Variants in WDR89 observed in about 807,000 individuals in gnomAD.
The protein encoded by WDR89 is WD repeat-containing protein 89.
A neutral mutation model predicts 29.1 loss-of-function variants in WDR89; 17 were observed. The observed-to-expected ratio is 0.58, with a 90% CI of 0.40 to 0.88. The LOEUF is 0.88. WDR89 is among the 40% of genes least tolerant of loss of function. The pLI, the probability that WDR89 is intolerant of heterozygous loss-of-function variation, is 0.00. For synonymous variants in WDR89, 138 were observed against 157.8 expected, an observed-to-expected ratio of 0.87 and a Z score of 0.94; for missense variants, 396 against 456.3, an observed-to-expected ratio of 0.87 and a Z score of 1.20.
At chr14:63,627,123 AAC>A (rs756971522) in intron 1 of WDR89, among the ~76,000 whole-genome samples, 2,428 of 122,736 alleles carry the variant, frequency 0.02, 33 homozygotes, top group South Asian at 0.066. Context: ...TTTGTCTCTA[AAC>A]ACACACACAC....
At chr14:63,627,573 T>C (rs1566798923) in intron 1 of WDR89, among the ~76,000 whole-genome samples, 1 of 152,202 alleles carries the variant, frequency 6.6e-6, no homozygotes, top group South Asian at 2.1e-4. Context: ...TATTCATCCC[T>C]CTGCTCATCC....
Position 63,598,757 on chromosome 14 carries a change from A to T in WDR89, c.*22T>A, listed in dbSNP as rs766138262. 1 of 1,545,806 alleles carries T rather than the reference A, an allele frequency of 6.5e-7. No individual in the cohort carries two copies. The highest frequency in any genetic ancestry group is 1.3e-5 in the South Asian group (1 of 78,652). ...ACTATTTGAAACTATAAAACCTACC[A>T]AACAAAGTGCCAAATGCATTATCAC... is the stretch of plus-strand genomic sequence containing the variant. On this transcript the variant is annotated 3_prime_UTR_variant, in exon 3 of 3. Coordinates refer to ENST00000620954, the MANE Select transcript of WDR89 (RefSeq NM_080666.4).
intron 1 of WDR89, among the ~76,000 whole-genome samples, chr14:63,634,795 A>C (rs1475993187): frequency 1.3e-5 from 2 of 150,902 alleles, no homozygotes; most frequent in Non-Finnish European, 2.9e-5. Context: ...GCTTGAACCC[A>C]GGAGGCGGAG....
rs376554740 is a variant in WDR89, at chr14:63,599,395, G to A, written c.548C>T (p.Pro183Leu). The A allele has an allele frequency of 8.1e-6, 13 of 1,613,964 alleles. No individual in the cohort carries two copies. The highest frequency in any genetic ancestry group is 2.7e-5 in the African/African-American group (2 of 74,876). The change falls in exon 3 of 3, where the codon CCC becomes CTC. Residue 183 changes from proline (P) to leucine (L), a missense_variant. Coordinates refer to ENST00000620954, the MANE Select transcript of WDR89 (RefSeq NM_080666.4). ...VTQVRFHPSN[P>L]NMVVSGSSDG... ...AGATGAACCTGAGACTACCATGTTG[G>A]GATTGCTGGGATGGAAACGTACTTG...
At chr14:63,636,735 T>C (rs1033506654) in intron 1 of WDR89, among the ~76,000 whole-genome samples, 1 of 152,140 alleles carries the variant, frequency 6.6e-6, no homozygotes, top group African/African-American at 2.4e-5. Flanking sequence ...TGAAACTGGA[T>C]CCTCATCTCT....
At chr14:63,600,325 C>A (rs917888428) in intron 2 of WDR89, among the ~76,000 whole-genome samples, 6 of 151,532 alleles carry the variant, frequency 4.0e-5, no homozygotes, top group Admixed American at 2.0e-4. Flanking sequence ...GAGACCCCCC[C>A]GCCGTCTCTT....
At chr14:63,605,189 CACACACATATATACATACACAT>C (rs1895260163) in intron 2 of WDR89, among the ~76,000 whole-genome samples, 1 of 144,098 alleles carries the variant, frequency 6.9e-6, no homozygotes, top group African/African-American at 2.7e-5. Context: ...TATACACACA[CACACACATATATACATACACAT>C]ACACACACAC....
chr14:63,617,660 G>A (rs1034165835), intron 2 of WDR89, among the ~76,000 whole-genome samples: 3 of 151,832 alleles, frequency 2.0e-5, no homozygotes, highest in Non-Finnish European at 4.4e-5. Flanking sequence ...AATTTTTGTA[G>A]TTTTAGTCGA....
chr14:63,598,963 A>T lies in WDR89; in HGVS notation c.980T>A (p.Phe327Tyr). 6.2e-7 allele frequency: 1 copy of T among 1,614,094 alleles called. No homozygotes were observed. Among genetic ancestry groups the T allele is most frequent in the South Asian group, 1.1e-5 (1 of 91,088 alleles). Residue 327 changes from phenylalanine (F) to tyrosine (Y), a missense_variant, in exon 3 of 3, where the codon TTC (phenylalanine) becomes TAC (tyrosine). Transcript: ENST00000620954. ...QGGHAATVRS[F>Y]CWNVQDDSLL... Reference sequence around the variant, plus strand: ...AGAATCATCTTGCACATTCCAACAGAAAGAACGGACTGTAGCAGCATGCCC... The same window carrying T: ...AGAATCATCTTGCACATTCCAACAGTAAGAACGGACTGTAGCAGCATGCCC...
chr14:63,598,723 A>G lies in WDR89; in HGVS notation c.*56T>C, dbSNP rs1894899203. On this transcript the variant is annotated 3_prime_UTR_variant, in exon 3 of 3. Transcript: ENST00000620954. Reference sequence around the variant, plus strand: ...TAAACATGTCTACCATGGGTAGTAAACAAGAAGGACTATTTGAAACTATAA... The same window carrying G: ...TAAACATGTCTACCATGGGTAGTAAGCAAGAAGGACTATTTGAAACTATAA... 1.6e-5 allele frequency: 24 copies of G among 1,455,674 alleles called. No individual in the cohort carries two copies. The highest frequency in any genetic ancestry group is 2.2e-5 in the Non-Finnish European group (24 of 1,095,496). The allele number at this position is 1,455,674 out of a possible 1,614,324, so 90.2% of individuals were successfully genotyped here. A position where few individuals can be genotyped will look rare whatever the true frequency, so the allele number is the denominator to read the frequency against.
chr14:63,610,229 A>AAAAAC (rs1454335334), intron 2 of WDR89, among the ~76,000 whole-genome samples: 6 of 151,002 alleles, frequency 4.0e-5, no homozygotes, highest in African/African-American at 1.5e-4. Flanking sequence ...TAAAAAAAAA[A>AAAAAC]AAAAAAAAAA....
intron 1 of WDR89, among the ~76,000 whole-genome samples, chr14:63,633,093 C>A (rs1212124307): frequency 6.6e-6 from 1 of 151,922 alleles, no homozygotes; most frequent in Non-Finnish European, 1.5e-5. Flanking sequence ...TTAAATGGTG[C>A]CTGGCACAAA....
intron 1 of WDR89, among the ~76,000 whole-genome samples, chr14:63,629,082 C>G (rs1161382519): frequency 1.3e-5 from 2 of 152,120 alleles, no homozygotes; most frequent in Non-Finnish European, 2.9e-5. Context: ...TCTTGGGTTG[C>G]CTTCTCCTTG....
At chr14:63,625,817 A>C (rs569900331) in intron 1 of WDR89, among the ~76,000 whole-genome samples, 2 of 152,314 alleles carry the variant, frequency 1.3e-5, no homozygotes, top group Admixed American at 6.5e-5. Context: ...TCACATTTTA[A>C]ACACAAAGAA....
chr14:63,621,676 A>ACCC (rs1882703599), intron 2 of WDR89: 1 of 152,216 alleles, frequency 6.6e-6, no homozygotes. Context: ...TTTAAACACC[A>ACCC]AAAGGACAGA....
At chr14:63,617,542 G>A (rs930715764) in intron 2 of WDR89, among the ~76,000 whole-genome samples, 1 of 152,058 alleles carries the variant, frequency 6.6e-6, no homozygotes, top group Non-Finnish European at 1.5e-5. Context: ...CCAGGCTGCA[G>A]TGCAGTGGAA....
intron 2 of WDR89, among the ~76,000 whole-genome samples, chr14:63,610,232 A>C (rs1400354451): frequency 6.6e-6 from 1 of 151,072 alleles, no homozygotes; most frequent in East Asian, 1.9e-4. Flanking sequence ...AAAAAAAAAA[A>C]AAAAAAAAAA....
intron 1 of WDR89, chr14:63,630,613 AGCCTGGCCGACAGG>A (rs1883336707): frequency 6.6e-6 from 1 of 151,426 alleles, no homozygotes; most frequent in Non-Finnish European, 1.5e-5. Context: ...ATTGCACTCC[AGCCTGGCCGACAGG>A]GCGAGACTCT....
intron 2 of WDR89, among the ~76,000 whole-genome samples, chr14:63,600,309 C>A (rs1246256140): frequency 6.6e-6 from 1 of 151,536 alleles, no homozygotes; most frequent in Non-Finnish European, 1.5e-5. Flanking sequence ...GCCTGAGCAA[C>A]ATGGGGAGAC....
Sources: allele counts gnomAD v4.1 joint callset (sites outside exome capture counted in the v4.1 genomes callset), GRCh38; gene constraint gnomAD v4.1.1; transcripts MANE v1.5; gene names NCBI Gene and HGNC (gene_info 2026-07-23, HGNC 2026-07-21).